TTC7B: variants seen among roughly 807,000 people sequenced by gnomAD.
The protein encoded by TTC7B is tetratricopeptide repeat domain 7B, also known as tetratricopeptide repeat protein 7B.
Under a neutral mutation model 106.8 loss-of-function variants are expected in TTC7B, and 28 were observed. The ratio of observed to expected loss-of-function variants is 0.26; its 90% CI spans 0.19 to 0.36. TTC7B has a LOEUF of 0.36. TTC7B is among the 10% of genes least tolerant of loss of function. TTC7B has a pLI of 1.00. For synonymous variants in TTC7B, 405 were observed against 430.6 expected (o/e 0.94, Z 0.74); for missense variants, 862 against 1,076.4 (o/e 0.80, Z 2.79).
intron 4 of TTC7B, among the ~76,000 whole-genome samples, chr14:90,738,779 T>A (rs1403766496): frequency 1.3e-5 from 2 of 152,160 alleles, no homozygotes; most frequent in African/African-American, 4.8e-5. Context: ...TTACAACAGC[T>A]TATACACAAC....
chr14:90,769,667 G>T (rs749894802), intron 3 of TTC7B, among the ~76,000 whole-genome samples: 5 of 152,198 alleles, frequency 3.3e-5, no homozygotes, highest in Admixed American at 1.3e-4. Flanking sequence ...TACTCGGGAG[G>T]CTGAGGCAAG....
chr14:90,626,089 G>A lies in TTC7B; in HGVS notation c.1752-8044C>T, dbSNP rs140149018. ...AACCAGATCACAAGGGGATTCATGC[G>A]CAAATTTAACGTCAAGAAGCACCGC... On this transcript the variant is annotated intron_variant, in intron 15 of 19. Coordinates refer to ENST00000328459, the MANE Select transcript of TTC7B (RefSeq NM_001010854.2). Among the ~76,000 whole-genome samples, 112 of 152,214 alleles carry A rather than the reference G, an allele frequency of 7.4e-4. 1 individual carries two copies. The highest frequency in any genetic ancestry group is 2.5e-3 in the African/African-American group (104 of 41,550).
At chr14:90,598,914 G>A (rs1347036864) in intron 17 of TTC7B, among the ~76,000 whole-genome samples, 2 of 152,216 alleles carry the variant, frequency 1.3e-5, no homozygotes, top group Non-Finnish European at 2.9e-5. Context: ...TTGGGAGGCT[G>A]AGGCGGGTGG....
chr14:90,632,954 T>C (rs564921033), intron 15 of TTC7B, among the ~76,000 whole-genome samples: 2 of 152,360 alleles, frequency 1.3e-5, no homozygotes, highest in South Asian at 4.1e-4. Context: ...ATGAATGTTA[T>C]ATATGTTCAC....
chr14:90,669,429 T>G (rs1886545287), intron 9 of TTC7B, among the ~76,000 whole-genome samples: 1 of 152,068 alleles, frequency 6.6e-6, no homozygotes, highest in South Asian at 2.1e-4. Flanking sequence ...CTGGGCATGG[T>G]AGCTCATGCC....
At chr14:90,544,612 T>C (rs1207321741) in intron 19 of TTC7B, among the ~76,000 whole-genome samples, 1 of 152,118 alleles carries the variant, frequency 6.6e-6, no homozygotes, top group Non-Finnish European at 1.5e-5. Flanking sequence ...TTGCATTCAG[T>C]AGGACGCGAG....
rs969578429 is a variant in TTC7B at position 90,702,289 on chromosome 14, C to T, written c.699-6711G>A. On this transcript the variant is annotated intron_variant, in intron 5 of 19. Transcript: ENST00000328459. Reference sequence around the variant, plus strand: ...AAACTAGTCAGTAACAACTGTATTGCCCTCATTGGGTAACTGTACCCACCT... The same window carrying T: ...AAACTAGTCAGTAACAACTGTATTGTCCTCATTGGGTAACTGTACCCACCT... Among the ~76,000 whole-genome samples the T allele has an allele frequency of 2.6e-5, 4 of 151,928 alleles. No homozygotes were observed. The East Asian group carries it at 7.7e-4, about 29-fold the overall frequency.
chr14:90,701,792 G>GTA (rs1887999335), intron 5 of TTC7B, among the ~76,000 whole-genome samples: 1 of 101,664 alleles, frequency 9.8e-6, no homozygotes, highest in Admixed American at 1.0e-4. Context: ...ATGTGTGTGT[G>GTA]TGTGTATATA....
At chr14:90,594,092 T>C (rs1892102026) in intron 17 of TTC7B, among the ~76,000 whole-genome samples, 1 of 152,126 alleles carries the variant, frequency 6.6e-6, no homozygotes, top group Admixed American at 6.5e-5. Context: ...CAACTTCCCG[T>C]TTCATTAGTG....
chr14:90,580,622 C>A (rs1233924105), intron 18 of TTC7B, among the ~76,000 whole-genome samples: 1 of 152,242 alleles, frequency 6.6e-6, no homozygotes, highest in Non-Finnish European at 1.5e-5. Flanking sequence ...GCTGCTTCTG[C>A]ACACACAGTG....
chr14:90,672,346 A>G (rs1373466126), intron 9 of TTC7B, among the ~76,000 whole-genome samples: 1 of 152,158 alleles, frequency 6.6e-6, no homozygotes, highest in African/African-American at 2.4e-5. Flanking sequence ...ACACGGTGAT[A>G]TGTCTAGATC....
chr14:90,593,765 A>ACG, intron 17 of TTC7B, 139 bp from the exon 18 acceptor site: 1 of 870,382 alleles, frequency 1.1e-6, no homozygotes, highest in African/African-American at 1.7e-5. Context: ...CCACAGAGAA[A>ACG]CGCGGGCAAT....
chr14:90,752,876 A>G (rs1004732772), intron 3 of TTC7B, among the ~76,000 whole-genome samples: 6 of 152,200 alleles, frequency 3.9e-5, no homozygotes, highest in African/African-American at 1.4e-4. Context: ...TGACAACAAA[A>G]ATGAATTTCA....
intron 7 of TTC7B, among the ~76,000 whole-genome samples, chr14:90,687,500 G>A (rs1272579971): frequency 6.6e-6 from 1 of 152,204 alleles, no homozygotes; most frequent in Non-Finnish European, 1.5e-5. Context: ...CTGGCCATGT[G>A]TCAAAGTGGA....
At chr14:90,547,326 C>T (rs1361886722) in intron 19 of TTC7B, among the ~76,000 whole-genome samples, 1 of 152,380 alleles carries the variant, frequency 6.6e-6, no homozygotes, top group Non-Finnish European at 1.5e-5. Flanking sequence ...GCATCTTCCT[C>T]GCTTTTGCCT....
chr14:90,710,364 G>T (rs760693978), intron 5 of TTC7B, among the ~76,000 whole-genome samples: 30 of 152,182 alleles, frequency 2.0e-4, no homozygotes, highest in Non-Finnish European at 1.9e-4. Context: ...AAAGAAATAA[G>T]TTTCTTGAAA....
rs1446424313 is a variant in TTC7B, at chr14:90,532,575, C to G, written c.*8793G>C. On this transcript the variant is annotated 3_prime_UTR_variant, in exon 20 of 20. Transcript: ENST00000328459. ...TGTCACTGTCTTACAGAGGTGTCCC[C>G]GACCAGCCAATCTAAAGTAACCCTC... The G allele has an allele frequency of 6.6e-6, 1 of 152,192 alleles. No individual in the cohort carries two copies. The highest frequency in any genetic ancestry group is 1.5e-5 in the Non-Finnish European group (1 of 68,056). The allele number at this position is 152,192 out of a possible 1,614,324, so 9.4% of individuals were successfully genotyped here. A position where few individuals can be genotyped will look rare whatever the true frequency, so the allele number is the denominator to read the frequency against.
In TTC7B at chr14:90,644,083, G is replaced by A. The variant is rs150811355; in HGVS notation, c.1716C>T (p.Ile572=). Residue 572 remains isoleucine (I), a synonymous_variant, in exon 15 of 20, where the codon ATC becomes ATT. Transcript: ENST00000328459. The part of the protein sequence containing the change: ...QKHYHDALNI[I]DMALSEYPEN... ...CTGGGTATTCACTCAGGGCCATGTC[G>A]ATGATGTTCAGAGCGTCATGGTAAT... 6.9e-5 allele frequency: 111 copies of A among 1,614,084 alleles called. No individual in the cohort carries two copies. In the African/African-American group the frequency reaches 9.7e-4, roughly 14 times the overall value.
chr14:90,815,553 C>A (rs2031123536), intron 1 of TTC7B, among the ~76,000 whole-genome samples: 1 of 152,068 alleles, frequency 6.6e-6, no homozygotes, highest in African/African-American at 2.4e-5. Context: ...TATTCCCAAC[C>A]CTGACCTCTC....
Sources: gnomAD v4.1 joint callset for allele counts (sites outside exome capture counted in the v4.1 genomes callset) on GRCh38, gnomAD v4.1.1 for gene constraint, MANE v1.5 for transcripts, NCBI Gene and HGNC (gene_info 2026-07-23, HGNC 2026-07-21) for gene names.